Variants in CCDC102B observed in about 807,000 individuals in gnomAD.
CCDC102B encodes coiled-coil domain-containing protein 102B.
In CCDC102B, 75 loss-of-function variants were observed where a neutral mutation model predicts 57.4. The observed-to-expected ratio is 1.31, with a 90% CI of 1.08 to 1.58. CCDC102B has a LOEUF of 1.58. Ranked by LOEUF, CCDC102B falls within the 40% of genes most tolerant of loss-of-function variation. The pLI, the probability that CCDC102B is intolerant of heterozygous loss-of-function variation, is 0.00. For synonymous variants in CCDC102B, 206 were observed against 201.9 expected, an observed-to-expected ratio of 1.02 and a Z score of -0.17; for missense variants, 636 against 582.6, an observed-to-expected ratio of 1.09 and a Z score of -0.94.
In CCDC102B at chr18:68,836,837, C is replaced by G. The variant is rs1209624786; in HGVS notation, c.74C>G (p.Ser25Ter). 6.2e-7 allele frequency: 1 copy of G among 1,613,862 alleles called. No individual in the cohort carries two copies. The highest frequency in any genetic ancestry group is 2.2e-5 in the East Asian group (1 of 44,870). Residue 25 changes from serine to a stop codon, truncating the protein, a stop_gained, in exon 2 of 8, where the codon TCA (serine) becomes TGA (stop). Coordinates refer to ENST00000360242, the MANE Select transcript of CCDC102B (RefSeq NM_024781.3). LOFTEE classifies it high-confidence loss of function. ...IFQMQQSSIK[S>*]RGDMVAPASP... ...CAGATGCAACAATCATCAATTAAGTCACGCGGCGACATGGTGGCACCTGCC... is the reference window on the plus strand; with the variant it reads ...CAGATGCAACAATCATCAATTAAGTGACGCGGCGACATGGTGGCACCTGCC...
chr18:68,909,419 A>C (rs564248643), intron 6 of CCDC102B, among the ~76,000 whole-genome samples: 1 of 152,348 alleles, frequency 6.6e-6, no homozygotes, highest in Non-Finnish European at 1.5e-5. Context: ...AGCCATTTTC[A>C]TACAGGATCA....
intron 2 of CCDC102B, among the ~76,000 whole-genome samples, chr18:68,743,856 A>G (rs1460094157): frequency 6.6e-6 from 1 of 152,192 alleles, no homozygotes; most frequent in East Asian, 1.9e-4. Context: ...TCCAGTTATT[A>G]TTATTATTTT....
At chr18:69,043,450 A>G (rs902222182) in intron 7 of CCDC102B, among the ~76,000 whole-genome samples, 28 of 152,044 alleles carry the variant, frequency 1.8e-4, no homozygotes, top group Non-Finnish European at 1.0e-4. Context: ...CCACGAGACC[A>G]TATTTCAGAC....
intron 6 of CCDC102B, among the ~76,000 whole-genome samples, chr18:68,997,668 T>C (rs1166867614): frequency 6.6e-6 from 1 of 152,096 alleles, no homozygotes. Context: ...TGATCTTTTA[T>C]ATATTTATTT....
chr18:68,817,519 A>C (rs2036530993), intron 1 of CCDC102B, among the ~76,000 whole-genome samples: 1 of 152,224 alleles, frequency 6.6e-6, no homozygotes, highest in Non-Finnish European at 1.5e-5. Flanking sequence ...AAATATATTC[A>C]AAGAAGATGA....
rs183508025 is a variant in CCDC102B, at chr18:68,995,975, C to T, written c.1264-14959C>T. Among the ~76,000 whole-genome samples the T allele has an allele frequency of 2.5e-4, 38 of 152,274 alleles. 1 individual carries two copies. In the East Asian group the frequency reaches 4.4e-3, roughly 18 times the overall value. ...TGTGGGAGCTCACTCCTTGCATTAG[C>T]GTGACCTGGATGTGAGACATAGAGT... is the stretch of plus-strand genomic sequence containing the variant. On this transcript the variant is annotated intron_variant, in intron 6 of 7. Coordinates refer to ENST00000360242, the MANE Select transcript of CCDC102B (RefSeq NM_024781.3).
chr18:68,835,473 C>T (rs1196942160), intron 1 of CCDC102B, among the ~76,000 whole-genome samples: 1 of 152,050 alleles, frequency 6.6e-6, no homozygotes, highest in African/African-American at 2.4e-5. Context: ...CTTCTCTCAC[C>T]CACCAGACTG....
intron 2 of CCDC102B, among the ~76,000 whole-genome samples, chr18:68,781,271 TATTA>T (rs1296459139): frequency 2.6e-5 from 4 of 152,178 alleles, no homozygotes; most frequent in African/African-American, 9.6e-5. Context: ...ATGTAATATA[TATTA>T]ATTTTATACA....
Position 68,779,570 on chromosome 18 carries a change from A to G in CCDC102B, c.-66-43796A>G, listed in dbSNP as rs597589. Among the ~76,000 whole-genome samples, 542 of 152,266 alleles carry G rather than the reference A, an allele frequency of 3.6e-3. 2 individuals carry two copies. Among genetic ancestry groups the G allele is most frequent in the African/African-American group, 0.012 (513 of 41,582 alleles). On this transcript the variant is annotated intron_variant, in intron 2 of 3. Transcript: ENST00000578970. ...ACAACAATACGTCATTATATTTATA[A>G]ATAAATTCAGTACATTTATTTATGT... is the stretch of plus-strand genomic sequence containing the variant.
chr18:68,782,484 T>A (rs1440044355), intron 2 of CCDC102B, among the ~76,000 whole-genome samples: 2 of 152,182 alleles, frequency 1.3e-5, no homozygotes, highest in African/African-American at 4.8e-5. Context: ...TATTAGTGCT[T>A]TATTTAATTA....
At chr18:68,917,671 T>TGCA in intron 6 of CCDC102B, among the ~76,000 whole-genome samples, 1 of 152,332 alleles carries the variant, frequency 6.6e-6, no homozygotes. Flanking sequence ...TTTAAAAACC[T>TGCA]GCATATCAAT....
chr18:68,936,421 C>A (rs2049239730), intron 6 of CCDC102B, among the ~76,000 whole-genome samples: 1 of 151,966 alleles, frequency 6.6e-6, no homozygotes, highest in African/African-American at 2.4e-5. Flanking sequence ...ATTTCTCATT[C>A]ATCTTCCAGT....
At chr18:68,809,786 G>T (rs1474396299) in intron 1 of CCDC102B, among the ~76,000 whole-genome samples, 5 of 152,130 alleles carry the variant, frequency 3.3e-5, no homozygotes, top group Non-Finnish European at 5.9e-5. Flanking sequence ...CAAAAGCTAA[G>T]AAATGTTTAT....
chr18:68,861,717 C>T (rs117305112), intron 4 of CCDC102B, among the ~76,000 whole-genome samples: 1,583 of 152,208 alleles, frequency 0.01, 29 homozygotes, highest in East Asian at 0.074. Context: ...TACAAGTATG[C>T]ACTGGTCACC....
intron 2 of CCDC102B, among the ~76,000 whole-genome samples, chr18:68,723,959 A>C (rs1373150054): frequency 6.6e-6 from 1 of 152,194 alleles, no homozygotes; most frequent in African/African-American, 2.4e-5. Context: ...TGCCTCTGTA[A>C]CAAACTTCTG....
At chr18:68,828,257 A>G (rs2036986783) in intron 1 of CCDC102B, among the ~76,000 whole-genome samples, 1 of 149,036 alleles carries the variant, frequency 6.7e-6, no homozygotes, top group African/African-American at 2.5e-5. Context: ...ATTCCACCAT[A>G]CAATTGCAGA....
At position 68,857,328 on chromosome 18, in the gene CCDC102B, T is replaced by TATA. The variant is rs1486367113; in HGVS notation, c.936+10908_936+10909insTAA. The stretch of plus-strand genomic sequence containing the variant: ...AATATATATTTATATATTATATATA[T>TATA]AAAATATATATTTATATATTATAAA... On this transcript the variant is annotated intron_variant, in intron 4 of 7. Coordinates refer to ENST00000360242, the MANE Select transcript of CCDC102B (RefSeq NM_024781.3). Among the ~76,000 whole-genome samples the TATA allele has an allele frequency of 2.0e-4, 14 of 70,370 alleles. 3 individuals are homozygous for TATA. The highest frequency in any genetic ancestry group is 7.3e-4 in the African/African-American group (14 of 19,166). 46.2% of individuals were successfully genotyped at this position (70,370 alleles called of 152,430 possible).
At chr18:68,850,474 G>A (rs1212993813) in intron 4 of CCDC102B, among the ~76,000 whole-genome samples, 1 of 151,902 alleles carries the variant, frequency 6.6e-6, no homozygotes, top group African/African-American at 2.4e-5. Context: ...TTGGGAGAGA[G>A]GAAGGATTAG....
At chr18:68,989,966 TTTG>T (rs2050821463) in intron 6 of CCDC102B, among the ~76,000 whole-genome samples, 2 of 152,234 alleles carry the variant, frequency 1.3e-5, no homozygotes, top group East Asian at 1.9e-4. Flanking sequence ...AGTTGGTTAT[TTTG>T]TTGTTGTAGT....
Sources: gnomAD v4.1 joint callset for allele counts (sites outside exome capture counted in the v4.1 genomes callset) on GRCh38, gnomAD v4.1.1 for gene constraint, MANE v1.5 for transcripts, NCBI Gene and HGNC (gene_info 2026-07-23, HGNC 2026-07-21) for gene names.